The following ARHGAP15 variants were observed in gnomAD, a reference collection of about 807,000 sequenced individuals.
The protein encoded by ARHGAP15 is Rho GTPase activating protein 15.
A neutral mutation model predicts 63.7 loss-of-function variants in ARHGAP15; 51 were observed. That is an observed-to-expected ratio of 0.80 (90% CI 0.64 to 1.01). ARHGAP15 has a LOEUF of 1.01. Among genes scored for constraint, ARHGAP15 ranks in the 50% least tolerant of loss-of-function variants. The pLI, the probability that ARHGAP15 is intolerant of heterozygous loss-of-function variation, is 0.00. For synonymous variants in ARHGAP15, 191 were observed against 193.8 expected (o/e 0.99, Z 0.12); for missense variants, 560 against 564.6 (o/e 0.99, Z 0.08).
At chr2:143,500,436 T>A (rs1440635217) in intron 9 of ARHGAP15, among the ~76,000 whole-genome samples, 2 of 152,096 alleles carry the variant, frequency 1.3e-5, no homozygotes, top group Non-Finnish European at 2.9e-5. Context: ...TCCCCACATA[T>A]GTAGCAAATA....
chr2:143,642,051 AAC>A (rs1442389135), intron 12 of ARHGAP15, among the ~76,000 whole-genome samples: 1 of 152,162 alleles, frequency 6.6e-6, no homozygotes, highest in African/African-American at 2.4e-5. Flanking sequence ...CACAAGGTAA[AAC>A]ACCAGTAAAT....
chr2:143,681,185 G>A (rs1433618515), intron 12 of ARHGAP15, among the ~76,000 whole-genome samples: 1 of 152,300 alleles, frequency 6.6e-6, no homozygotes, highest in Non-Finnish European at 1.5e-5. Context: ...TGGTGTGTGT[G>A]ACTCTAGGGG....
intron 11 of ARHGAP15, among the ~76,000 whole-genome samples, chr2:143,565,390 G>T (rs1696182034): frequency 6.6e-6 from 1 of 152,050 alleles, no homozygotes; most frequent in Non-Finnish European, 1.5e-5. Flanking sequence ...TAGGAAACTT[G>T]ATTCATTTTT....
chr2:143,547,561 C>A (rs1238289271), intron 10 of ARHGAP15, among the ~76,000 whole-genome samples: 2 of 55,850 alleles, frequency 3.6e-5, no homozygotes, highest in African/African-American at 1.4e-4. Flanking sequence ...ATAAGCATCT[C>A]CAATTATAAA....
intron 6 of ARHGAP15, among the ~76,000 whole-genome samples, chr2:143,345,960 G>C (rs895862623): frequency 1.3e-5 from 2 of 151,954 alleles, no homozygotes; most frequent in African/African-American, 2.4e-5. Context: ...GAGGGATTCA[G>C]TTTTATTCTC....
At chr2:143,586,921 C>T (rs760684358) in intron 11 of ARHGAP15, among the ~76,000 whole-genome samples, 1 of 151,936 alleles carries the variant, frequency 6.6e-6, no homozygotes, top group Non-Finnish European at 1.5e-5. Flanking sequence ...CTCTTTCTCT[C>T]CTCCTCCATC....
At chr2:143,206,386 A>G (rs1692331178) in intron 3 of ARHGAP15, among the ~76,000 whole-genome samples, 1 of 152,206 alleles carries the variant, frequency 6.6e-6, no homozygotes, top group Non-Finnish European at 1.5e-5. Flanking sequence ...AGTTGCAGAC[A>G]TTAATAAATA....
At chr2:143,142,497 T>TA (rs113191898) in intron 1 of ARHGAP15, among the ~76,000 whole-genome samples, 17 of 151,936 alleles carry the variant, frequency 1.1e-4, no homozygotes, top group Non-Finnish European at 1.9e-4. Flanking sequence ...AGCATTTTTT[T>TA]AAAAAAAATC....
At chr2:143,458,261 A>C (rs1690755096) in intron 8 of ARHGAP15, among the ~76,000 whole-genome samples, 1 of 152,192 alleles carries the variant, frequency 6.6e-6, no homozygotes, top group Admixed American at 6.5e-5. Context: ...TCAGTGAGTA[A>C]AATTTTCAAA....
intron 10 of ARHGAP15, among the ~76,000 whole-genome samples, chr2:143,539,580 T>A (rs1350857172): frequency 1.3e-5 from 2 of 152,198 alleles, no homozygotes; most frequent in African/African-American, 2.4e-5. Context: ...GTATGTTGTG[T>A]CTTTGTTCTC....
chr2:143,594,429 G>A (rs1050609433), intron 11 of ARHGAP15, among the ~76,000 whole-genome samples: 4 of 152,126 alleles, frequency 2.6e-5, no homozygotes, highest in Non-Finnish European at 5.9e-5. Flanking sequence ...TGCTAATTAC[G>A]GTGTGCTCGG....
At chr2:143,766,466 A>G (rs2105562192) in intron 13 of ARHGAP15, among the ~76,000 whole-genome samples, 1 of 152,258 alleles carries the variant, frequency 6.6e-6, no homozygotes, top group Non-Finnish European at 1.5e-5. Context: ...AACGTGCAAG[A>G]GTAGGTGATG....
chr2:143,237,604 C>A (rs541204530), intron 5 of ARHGAP15: 1 of 152,150 alleles, frequency 6.6e-6, no homozygotes. Context: ...TAGTGTCACA[C>A]CCTACTTAAA....
At chr2:143,129,968 A>G (rs1195475736) in intron 1 of ARHGAP15, among the ~76,000 whole-genome samples, 1 of 152,156 alleles carries the variant, frequency 6.6e-6, no homozygotes, top group African/African-American at 2.4e-5. Context: ...GTAGCTAATT[A>G]AAAAGCAAGG....
rs146044121 is a variant in ARHGAP15 at position 143,587,434 on chromosome 2, A to C, written c.1003+30949A>C. 1.5e-3 allele frequency among the ~76,000 whole-genome samples: 232 copies of C among 152,216 alleles called. 1 individual carries two copies. In the East Asian group the frequency reaches 0.016, roughly 11 times the overall value. On this transcript the variant is annotated intron_variant, in intron 11 of 13. Transcript: ENST00000295095. ...GGTTTGTTGTTTTGGGAATGTTTTGAAAGAAATTAGTTCTGATGCTTTTCA... is the reference window on the plus strand; with the variant it reads ...GGTTTGTTGTTTTGGGAATGTTTTGCAAGAAATTAGTTCTGATGCTTTTCA...
chr2:143,433,623 T>G (rs1422794764), intron 6 of ARHGAP15, among the ~76,000 whole-genome samples: 1 of 152,120 alleles, frequency 6.6e-6, no homozygotes, highest in East Asian at 1.9e-4. Context: ...ACTGCTAAAG[T>G]ACTTATATTT....
chr2:143,190,717 C>T (rs368835068), intron 2 of ARHGAP15, among the ~76,000 whole-genome samples: 1 of 152,170 alleles, frequency 6.6e-6, no homozygotes, highest in African/African-American at 2.4e-5. Context: ...CTTCATGGTA[C>T]CAGGCACTAC....
At chr2:143,500,048 G>A (rs1386777333) in intron 9 of ARHGAP15, among the ~76,000 whole-genome samples, 1 of 151,856 alleles carries the variant, frequency 6.6e-6, no homozygotes, top group Non-Finnish European at 1.5e-5. Flanking sequence ...GAATAATTAA[G>A]TGAAATGTAA....
At chr2:143,483,199 T>C (rs1692155005) in intron 8 of ARHGAP15, among the ~76,000 whole-genome samples, 1 of 152,208 alleles carries the variant, frequency 6.6e-6, no homozygotes, top group African/African-American at 2.4e-5. Context: ...TTGAAGACAA[T>C]ATGATATACA....
Sources: allele counts gnomAD v4.1 joint callset (sites outside exome capture counted in the v4.1 genomes callset), GRCh38; gene constraint gnomAD v4.1.1; transcripts MANE v1.5; gene names NCBI Gene and HGNC (gene_info 2026-07-23, HGNC 2026-07-21).